Variants in ZNF184 observed in about 807,000 individuals in gnomAD.
ZNF184 encodes the protein zinc finger protein 184, also known as zinc finger protein 184 (Kruppel-like).
A neutral mutation model predicts 54.4 loss-of-function variants in ZNF184; 16 were observed. That is an observed-to-expected ratio of 0.29 (90% confidence interval 0.20 to 0.45). ZNF184 has a LOEUF of 0.45. ZNF184 is among the 20% of genes least tolerant of loss of function. The probability of loss-of-function intolerance (pLI) is 1.00; values close to 1 mark genes in which losing one functional copy is unlikely to be tolerated. For synonymous variants in ZNF184, 254 were observed against 295.3 expected, an observed-to-expected ratio of 0.86 and a Z score of 1.43; for missense variants, 681 against 888.2, an observed-to-expected ratio of 0.77 and a Z score of 2.97.
Position 27,452,430 on chromosome 6 carries a change from G to GGT in ZNF184, c.1127_1128dup (p.Leu377ThrfsTer35). ...GTATGAATTTTTTGATGTTGAGTAAGGTGTGTGCTCCTGGTGAAGGTTTTA... is the reference window on the plus strand; with the variant it reads ...GTATGAATTTTTTGATGTTGAGTAAGGTGTGTGTGCTCCTGGTGAAGGTTTTA... On this transcript the variant is annotated frameshift_variant, in exon 6 of 6. Transcript: ENST00000683788. LOFTEE classifies it high-confidence loss of function. This position sits in a 1 kb window ranked among gnomAD's most constrained non-coding sequence, Gnocchi z 5.5. The GGT allele has an allele frequency of 6.2e-7, 1 of 1,614,056 alleles. No individual in the cohort carries two copies. The highest frequency in any genetic ancestry group is 8.5e-7 in the Non-Finnish European group (1 of 1,179,996).
the ZNF184 span, among the ~76,000 whole-genome samples, chr6:27,443,586 C>T: frequency 2.0e-5 from 3 of 152,162 alleles, no homozygotes; most frequent in Non-Finnish European, 4.4e-5. Context: ...TAGTCAACAA[C>T]CTAGACCTTG....
chr6:27,447,225 T>C (rs539293774), downstream of ZNF184, among the ~76,000 whole-genome samples: 2 of 152,296 alleles, frequency 1.3e-5, no homozygotes, highest in African/African-American at 4.8e-5. Context: ...GATGAGACTC[T>C]GGACTTTGGA....
the ZNF184 span, among the ~76,000 whole-genome samples, chr6:27,443,797 A>G: frequency 2.3e-4 from 35 of 151,734 alleles, no homozygotes; most frequent in African/African-American, 6.8e-4. Flanking sequence ...CTCCACCCCC[A>G]CTTTAGCTCT....
At chr6:27,431,366 C>T in the ZNF184 span, among the ~76,000 whole-genome samples, 1 of 152,204 alleles carries the variant, frequency 6.6e-6, no homozygotes, top group African/African-American at 2.4e-5. Flanking sequence ...CCCCCATTCC[C>T]TCCCCTCACC....
the ZNF184 span, among the ~76,000 whole-genome samples, chr6:27,425,265 A>T: frequency 6.6e-6 from 1 of 152,204 alleles, no homozygotes; most frequent in African/African-American, 2.4e-5. Flanking sequence ...CAGCCCAGAA[A>T]GGGGCTCCCA....
Position 27,453,313 on chromosome 6 carries a change from C to T in ZNF184, c.299-53G>A, listed in dbSNP as rs945732934. ...CTCTGAATAGAGAAAAAATAAACTG[C>T]TATTGTGGGAATAATATAATGATAC... On this transcript the variant is annotated intron_variant, in intron 5 of 5. Transcript: ENST00000683788. The surrounding 1 kb of genome is among the most constrained non-coding windows in gnomAD (Gnocchi z 4.7). 2.0e-5 allele frequency: 29 copies of T among 1,471,962 alleles called. No individual in the cohort carries two copies. The highest frequency in any genetic ancestry group is 2.5e-5 in the Non-Finnish European group (28 of 1,104,542). 91.2% of individuals were successfully genotyped at this position (1,471,962 alleles called of 1,614,324 possible).
Position 27,452,707 on chromosome 6 carries a change from T to C in ZNF184, c.852A>G (p.Gly284=). Residue 284 remains glycine, a synonymous_variant, in exon 6 of 6, where the codon GGA becomes GGG. Transcript: ENST00000683788. This position sits in a 1 kb window ranked among gnomAD's most constrained non-coding sequence, Gnocchi z 5.5. ...GDKPYKCDQC[G]KGFIEGPSLT... is the part of the protein sequence containing the mutation. ...GAGATGGACCCTCAATGAAGCCTTT[T>C]CCACACTGATCACATTTATATGGTT... 6.2e-7 allele frequency: 1 copy of C among 1,614,186 alleles called. No individual in the cohort carries two copies. The highest frequency in any genetic ancestry group is 8.5e-7 in the Non-Finnish European group (1 of 1,180,028).
the ZNF184 span, among the ~76,000 whole-genome samples, chr6:27,427,116 T>TAAC: frequency 1.9e-5 from 2 of 106,910 alleles, no homozygotes; most frequent in Non-Finnish European, 3.7e-5. Context: ...ACACTCTATG[T>TAAC]AAAAAAAAAA....
At chr6:27,425,591 A>C in the ZNF184 span, among the ~76,000 whole-genome samples, 1 of 152,190 alleles carries the variant, frequency 6.6e-6, no homozygotes, top group Non-Finnish European at 1.5e-5. Context: ...AGTTCACCAT[A>C]CTGTTCTATT....
At chr6:27,455,784 C>T (rs1436586785) in intron 5 of ZNF184, among the ~76,000 whole-genome samples, 1 of 152,090 alleles carries the variant, frequency 6.6e-6, no homozygotes, top group Non-Finnish European at 1.5e-5. Context: ...ATACATTTTT[C>T]CCCCGTAAAG....
At chr6:27,423,881 A>C in the ZNF184 span, among the ~76,000 whole-genome samples, 1 of 152,172 alleles carries the variant, frequency 6.6e-6, no homozygotes, top group Non-Finnish European at 1.5e-5. Context: ...ACGTATCAGC[A>C]TTTCTTTGCA....
chr6:27,410,685 C>T, the ZNF184 span, among the ~76,000 whole-genome samples: 1 of 152,126 alleles, frequency 6.6e-6, no homozygotes, highest in African/African-American at 2.4e-5. Flanking sequence ...GTGCGCACCA[C>T]CACGCCCGGC....
chr6:27,412,600 G>T, the ZNF184 span, among the ~76,000 whole-genome samples: 6 of 152,188 alleles, frequency 3.9e-5, no homozygotes, highest in African/African-American at 1.2e-4. Flanking sequence ...TATTTGAAGA[G>T]ATTTATCCTA....
the ZNF184 span, among the ~76,000 whole-genome samples, chr6:27,441,085 A>G: frequency 1.3e-5 from 2 of 152,198 alleles, no homozygotes; most frequent in African/African-American, 2.4e-5. Context: ...GCACTTGGCT[A>G]TGTGTCCTTG....
intron 5 of ZNF184, among the ~76,000 whole-genome samples, chr6:27,455,830 G>A (rs1023631609): frequency 2.6e-5 from 4 of 152,130 alleles, no homozygotes; most frequent in African/African-American, 4.8e-5. Flanking sequence ...CTCTAGAGAC[G>A]TATCGCTTAC....
At chr6:27,412,927 T>C in the ZNF184 span, among the ~76,000 whole-genome samples, 1 of 152,170 alleles carries the variant, frequency 6.6e-6, no homozygotes, top group Non-Finnish European at 1.5e-5. Context: ...AGATAGAAAG[T>C]ATAATCATAG....
At chr6:27,431,004 T>G in the ZNF184 span, among the ~76,000 whole-genome samples, 4 of 147,464 alleles carry the variant, frequency 2.7e-5, no homozygotes, top group Non-Finnish European at 4.5e-5. Context: ...CATCCTTTAA[T>G]TTTCATTCTT....
chr6:27,435,336 T>C, the ZNF184 span, among the ~76,000 whole-genome samples: 1 of 152,166 alleles, frequency 6.6e-6, no homozygotes, highest in Non-Finnish European at 1.5e-5. Flanking sequence ...TGTTTTGTAG[T>C]TTTTAGTGTA....
the ZNF184 span, among the ~76,000 whole-genome samples, chr6:27,423,385 C>CT: frequency 6.6e-6 from 1 of 152,084 alleles, no homozygotes; most frequent in African/African-American, 2.4e-5. Flanking sequence ...TACCTTTGTC[C>CT]TTTTTTTGTT....
Sources: gnomAD v4.1 joint callset for allele counts (sites outside exome capture counted in the v4.1 genomes callset) on GRCh38, gnomAD v4.1.1 for gene constraint, Gnocchi (gnomAD v3.1) non-coding constraint, MANE v1.5 for transcripts, NCBI Gene and HGNC (gene_info 2026-07-23, HGNC 2026-07-21) for gene names.